The following EBF4 variants were observed in gnomAD, a reference collection of about 807,000 sequenced individuals.
The protein encoded by EBF4 is EBF transcription factor 4.
A neutral mutation model predicts 67.1 loss-of-function variants in EBF4; 34 were observed. The ratio of observed to expected loss-of-function variants is 0.51; its 90% CI spans 0.39 to 0.67. The LOEUF (loss-of-function observed/expected upper bound fraction) is 0.67. Ranked by LOEUF, EBF4 falls within the 30% of genes least tolerant of loss-of-function variation. The pLI, the probability that EBF4 is intolerant of heterozygous loss-of-function variation, is 0.00. For synonymous variants in EBF4, 387 were observed against 377.7 expected (o/e 1.02, Z -0.29); for missense variants, 837 against 873.3 (o/e 0.96, Z 0.52).
rs1415178435 is a variant in EBF4, at chr20:2,747,313, C to CAAAAAAAAAAAAAAAAAAAA, written c.558-1233_558-1232insAAAAAAAAAAAAAAAAAAAA. ...CTCTGTCTCAAAACAAAAAACAAAACAAACAAAAAAAAAAAAACAGGAAAA... is the reference window on the plus strand; with the variant it reads ...CTCTGTCTCAAAACAAAAAACAAAACAAAAAAAAAAAAAAAAAAAAAAACAAAAAAAAAAAAACAGGAAAA... On this transcript the variant is annotated intron_variant, in intron 6 of 16. Coordinates refer to ENST00000609451, the Ensembl canonical transcript of EBF4. This position sits in a 1 kb window ranked among gnomAD's most constrained non-coding sequence, Gnocchi z 4.6. 8.1e-6 allele frequency among the ~76,000 whole-genome samples: 1 copy of CAAAAAAAAAAAAAAAAAAAA among 123,290 alleles called. No homozygotes were observed. Among genetic ancestry groups the CAAAAAAAAAAAAAAAAAAAA allele is most frequent in the Non-Finnish European group, 1.7e-5 (1 of 58,706 alleles). The allele number at this position is 123,290 out of a possible 152,430, so 80.9% of individuals were successfully genotyped here.
chr20:2,723,404 G>T (rs1028564395), intron 6 of EBF4, among the ~76,000 whole-genome samples: 6 of 152,024 alleles, frequency 3.9e-5, no homozygotes, highest in Admixed American at 3.3e-4. Flanking sequence ...AGGCTGGAGT[G>T]CAGTGGCGCA....
chr20:2,752,235 C>A, exon 13 of EBF4: 2 of 1,328,086 alleles, frequency 1.5e-6, no homozygotes, highest in Admixed American at 3.3e-5. Context: ...CCATCGCCGT[C>A]GGGGACGCCA....
Position 2,723,505 on chromosome 20 carries a change from A to G in EBF4, c.557+13863A>G, listed in dbSNP as rs565143952. On this transcript the variant is annotated intron_variant, in intron 6 of 16. Transcript: ENST00000609451. ...AGCTGGGACTACAGGCGCCGCCACC[A>G]CGCCCGGCTAATTTTTTGTATTTTT... Among the ~76,000 whole-genome samples, 162 of 150,206 alleles carry G rather than the reference A, an allele frequency of 1.1e-3. No individual in the cohort carries two copies. The South Asian group carries it at 0.013, about 12-fold the overall frequency.
chr20:2,733,871 G>T (rs1427095860), intron 6 of EBF4, among the ~76,000 whole-genome samples: 1 of 151,772 alleles, frequency 6.6e-6, no homozygotes, highest in Non-Finnish European at 1.5e-5. Flanking sequence ...AAATTTGCAG[G>T]CTAATTCAAA....
chr20:2,697,867 A>G (rs1391574382), intron 1 of EBF4, among the ~76,000 whole-genome samples: 1 of 152,202 alleles, frequency 6.6e-6, no homozygotes, highest in Non-Finnish European at 1.5e-5. Context: ...GACCTCTGGA[A>G]GGCCCAGGCC....
intron 1 of EBF4, among the ~76,000 whole-genome samples, chr20:2,697,488 T>C (rs552860248): frequency 7.4e-4 from 111 of 149,944 alleles, no homozygotes; most frequent in South Asian, 2.3e-3. Flanking sequence ...GAGCTTGCAG[T>C]GAGCCGAGAT....
At chr20:2,697,304 G>A (rs999823465) in intron 1 of EBF4, among the ~76,000 whole-genome samples, 1 of 152,110 alleles carries the variant, frequency 6.6e-6, no homozygotes, top group Non-Finnish European at 1.5e-5. Flanking sequence ...CCAGCACTTT[G>A]GGAGGCCGAG....
chr20:2,743,233 G>A (rs563319517), intron 6 of EBF4, among the ~76,000 whole-genome samples: 4 of 152,266 alleles, frequency 2.6e-5, no homozygotes, highest in East Asian at 1.9e-4. Flanking sequence ...TCTCACGTTC[G>A]CCCTTCCAGC....
At chr20:2,758,976 C>T (rs752673494) in exon 16 of EBF4, 12 of 1,551,676 alleles carry the variant, frequency 7.7e-6, no homozygotes, top group East Asian at 2.4e-5. Flanking sequence ...TGGCATACTC[C>T]TAATTACGGT....
chr20:2,709,583 T>TGACC lies in EBF4; in HGVS notation c.500_503dup (p.Lys169ProfsTer9). ...CTCATCTTTCCTTCAGCCGGTGCTG[T>TGACC]GACCGGAAGAGCTGTGGCAACCGGA... On this transcript the variant is annotated frameshift_variant, in exon 6 of 17. Coordinates refer to ENST00000609451, the Ensembl canonical transcript of EBF4. LOFTEE classifies it high-confidence loss of function. 1.3e-6 allele frequency: 2 copies of TGACC among 1,555,442 alleles called. No individual in the cohort carries two copies. The highest frequency in any genetic ancestry group is 1.7e-6 in the Non-Finnish European group (2 of 1,148,942).
exon 7 of EBF4, chr20:2,748,551 T>C: frequency 6.4e-7 from 1 of 1,551,464 alleles, no homozygotes; most frequent in South Asian, 1.2e-5. Flanking sequence ...TGTTTCAGGT[T>C]CTTCCTCAAG....
chr20:2,730,446 A>C (rs1188951454), intron 6 of EBF4, among the ~76,000 whole-genome samples: 1 of 152,128 alleles, frequency 6.6e-6, no homozygotes, highest in Non-Finnish European at 1.5e-5. Context: ...ATCCAAATTG[A>C]TTTCATCTCC....
chr20:2,719,921 T>C (rs544287089), intron 6 of EBF4, among the ~76,000 whole-genome samples: 29 of 152,334 alleles, frequency 1.9e-4, no homozygotes, highest in African/African-American at 6.5e-4. Flanking sequence ...TTGATAGTGT[T>C]GTTCAAGTGT....
Position 2,752,350 on chromosome 20 carries a change from C to G in EBF4, c.1352-7C>G. 1 of 1,212,046 alleles carries G rather than the reference C, an allele frequency of 8.3e-7. No individual in the cohort carries two copies. The highest frequency in any genetic ancestry group is 1.0e-6 in the Non-Finnish European group (1 of 977,668). The allele number at this position is 1,212,046 out of a possible 1,614,324, so 75.1% of individuals were successfully genotyped here. ...CCGCCCCCTGACGGCCGCGCTCTCT[C>G]TCGCAGGCTACGCGCGCAGCTGCAG... On this transcript the variant is annotated splice_region_variant and splice_polypyrimidine_tract_variant and intron_variant, in intron 13 of 16. Coordinates refer to ENST00000609451, the Ensembl canonical transcript of EBF4.
rs2087626918 is a variant in EBF4, at chr20:2,717,593, CT to C, written c.557+7954del. 2.0e-5 allele frequency among the ~76,000 whole-genome samples: 3 copies of C among 152,054 alleles called. No homozygotes were observed. The East Asian group carries it at 5.8e-4, about 29-fold the overall frequency. ...GCATCTTTTGTTATGTTTTCTAATT[CT>C]TTGTTTATATTATAGAGAAATGCAA... On this transcript the variant is annotated intron_variant, in intron 6 of 16. Coordinates refer to ENST00000609451, the Ensembl canonical transcript of EBF4.
intron 1 of EBF4, among the ~76,000 whole-genome samples, chr20:2,699,674 T>C (rs2087347077): frequency 6.6e-6 from 1 of 152,250 alleles, no homozygotes; most frequent in African/African-American, 2.4e-5. Flanking sequence ...GCTGATTTTG[T>C]CACTCAGCTG....
At chr20:2,719,930 G>A (rs191704681) in intron 6 of EBF4, among the ~76,000 whole-genome samples, 56 of 152,284 alleles carry the variant, frequency 3.7e-4, no homozygotes, top group Admixed American at 1.8e-3. Flanking sequence ...TTGTTCAAGT[G>A]TTGTTTTAGC....
At chr20:2,720,081 G>A (rs2146420517) in intron 6 of EBF4, among the ~76,000 whole-genome samples, 1 of 152,258 alleles carries the variant, frequency 6.6e-6, no homozygotes, top group East Asian at 1.9e-4. Context: ...GTACATGGAT[G>A]TCTAGAATTA....
At chr20:2,714,351 TTTTC>T (rs928250162) in intron 6 of EBF4, among the ~76,000 whole-genome samples, 1 of 151,802 alleles carries the variant, frequency 6.6e-6, no homozygotes, top group African/African-American at 2.4e-5. Context: ...TCTTTCTTTC[TTTTC>T]TTTCTTTCTT....
Sources: gnomAD v4.1 joint callset for allele counts (sites outside exome capture counted in the v4.1 genomes callset) on GRCh38, gnomAD v4.1.1 for gene constraint, Gnocchi (gnomAD v3.1) non-coding constraint, MANE v1.5 for transcripts, NCBI Gene and HGNC (gene_info 2026-07-23, HGNC 2026-07-21) for gene names.